DCAF8: variants seen among roughly 807,000 people sequenced by gnomAD.
DCAF8 encodes the protein DDB1- and CUL4-associated factor 8.
Under a neutral mutation model 68.0 loss-of-function variants are expected in DCAF8, and 20 were observed. The ratio of observed to expected loss-of-function variants is 0.29; its 90% CI spans 0.21 to 0.43. The LOEUF (loss-of-function observed/expected upper bound fraction) is 0.43, where lower values mean the gene tolerates loss of function less well. Among genes scored for constraint, DCAF8 ranks in the 20% least tolerant of loss-of-function variants. The pLI, the probability that DCAF8 is intolerant of heterozygous loss-of-function variation, is 1.00. For missense variants in DCAF8, 460 were observed against 771.0 expected, an observed-to-expected ratio of 0.60 and a Z score of 4.78; for synonymous variants, 230 against 276.9, an observed-to-expected ratio of 0.83 and a Z score of 1.68.
intron 2 of DCAF8, among the ~76,000 whole-genome samples, chr1:160,245,577 G>A (rs1447020914): frequency 6.6e-6 from 1 of 152,188 alleles, no homozygotes; most frequent in Non-Finnish European, 1.5e-5. Context: ...CTGCAAGACT[G>A]GGGCTGAAGC....
chr1:160,224,689 A>C (rs1408020048), intron 9 of DCAF8, 140 bp from the exon 10 acceptor site: 1 of 675,978 alleles, frequency 1.5e-6, no homozygotes, highest in African/African-American at 1.8e-5. Context: ...TTGGAACACC[A>C]GGCAAGTCCG....
At chr1:160,217,735 A>G in intron 13 of DCAF8, 27 bp from the exon 14 acceptor site, 1 of 1,574,152 alleles carries the variant, frequency 6.4e-7, no homozygotes, top group Non-Finnish European at 8.7e-7. Context: ...CTTGTTAGTA[A>G]CTTCCCTGGA....
chr1:160,236,331 CAT>C lies in DCAF8; in HGVS notation c.959+802_959+803del, dbSNP rs575276890. Among the ~76,000 whole-genome samples the C allele has an allele frequency of 1.7e-3, 252 of 151,158 alleles. No homozygotes were observed. In the East Asian group the frequency reaches 0.018, roughly 11 times the overall value. On this transcript the variant is annotated intron_variant, in intron 6 of 13. Transcript: ENST00000368074. ...ATATATACGTGTGTGTATATAAATA[CAT>C]ATGTGTGTATATGTGTGTACATATG... is the stretch of plus-strand genomic sequence containing the variant.
chr1:160,244,851 C>T (rs921175077), intron 2 of DCAF8, among the ~76,000 whole-genome samples: 6 of 152,028 alleles, frequency 3.9e-5, no homozygotes, highest in Non-Finnish European at 7.4e-5. Context: ...CCGAGTGATC[C>T]GCCCGCCTCG....
intron 7 of DCAF8, among the ~76,000 whole-genome samples, chr1:160,228,123 TG>T (rs1183459465): frequency 6.6e-6 from 1 of 151,810 alleles, no homozygotes; most frequent in East Asian, 1.9e-4. Flanking sequence ...GACACAGTCT[TG>T]CTATATTGCC....
Position 160,218,454 on chromosome 1 carries a change from AG to A in DCAF8, c.1561-15del, listed in dbSNP as rs1404318994. 3.7e-6 allele frequency: 6 copies of A among 1,607,566 alleles called. No homozygotes were observed. The highest frequency in any genetic ancestry group is 5.1e-6 in the Non-Finnish European group (6 of 1,174,022). On this transcript the variant is annotated splice_polypyrimidine_tract_variant and intron_variant, in intron 12 of 13. Coordinates refer to ENST00000368074, the MANE Select transcript of DCAF8 (RefSeq NM_015726.4). ...CTTCTTAATCACCTGGAACCCAAAAAGGTTGGGAAGAGGGGGCAGCAATGAA... is the reference window on the plus strand; with the variant it reads ...CTTCTTAATCACCTGGAACCCAAAAAGTTGGGAAGAGGGGGCAGCAATGAA...
intron 11 of DCAF8, among the ~76,000 whole-genome samples, chr1:160,221,368 GGAAATGAAGCAGGGAAGAGTGA>G (rs1426335568): frequency 6.6e-6 from 1 of 152,182 alleles, no homozygotes; most frequent in Non-Finnish European, 1.5e-5. Flanking sequence ...TGGAAGAGTT[GGAAATGAAGCAGGGAAGAGTGA>G]GACACACCTT....
intron 7 of DCAF8, among the ~76,000 whole-genome samples, chr1:160,228,036 G>A (rs988576391): frequency 1.3e-5 from 2 of 151,776 alleles, no homozygotes; most frequent in African/African-American, 4.8e-5. Flanking sequence ...GACTACAGGA[G>A]CATACCACCA....
intron 6 of DCAF8, among the ~76,000 whole-genome samples, chr1:160,233,787 C>A (rs920771055): frequency 1.3e-5 from 2 of 152,028 alleles, no homozygotes; most frequent in African/African-American, 4.8e-5. Flanking sequence ...CAACTTAATC[C>A]CATAAAACAA....
intron 7 of DCAF8, among the ~76,000 whole-genome samples, chr1:160,230,648 T>C (rs1016928049): frequency 6.6e-6 from 1 of 152,214 alleles, no homozygotes; most frequent in African/African-American, 2.4e-5. Flanking sequence ...TGCACGTTTA[T>C]TTACATACGA....
intron 2 of DCAF8, among the ~76,000 whole-genome samples, chr1:160,249,480 C>G (rs1213801269): frequency 6.6e-6 from 1 of 152,120 alleles, no homozygotes; most frequent in Non-Finnish European, 1.5e-5. Flanking sequence ...TCATACAACT[C>G]AGGAATCCCA....
At chr1:160,252,346 G>GAA (rs1231038146) in intron 2 of DCAF8, among the ~76,000 whole-genome samples, 1 of 152,172 alleles carries the variant, frequency 6.6e-6, no homozygotes, top group Non-Finnish European at 1.5e-5. Context: ...TAGTTTCAGG[G>GAA]AAAAACGAAA....
intron 2 of DCAF8, among the ~76,000 whole-genome samples, chr1:160,257,627 A>G (rs553195780): frequency 1.6e-4 from 25 of 152,348 alleles, no homozygotes; most frequent in African/African-American, 5.5e-4. Context: ...TAAACTGGCA[A>G]CAAAGAGGCT....
chr1:160,223,726 C>A (rs778221298), intron 10 of DCAF8, among the ~76,000 whole-genome samples: 69 of 152,066 alleles, frequency 4.5e-4, no homozygotes, highest in Non-Finnish European at 7.8e-4. Context: ...GGTGAAACCC[C>A]ATCTCCACAA....
chr1:160,225,416 T>C (rs1655438834), intron 8 of DCAF8, among the ~76,000 whole-genome samples, 175 bp downstream of exon 8: 1 of 152,222 alleles, frequency 6.6e-6, no homozygotes. Context: ...AAACTGAGGC[T>C]ATCAGAAGTG....
rs1341924785 is a variant in DCAF8 at position 160,215,920 on chromosome 1, G to A, written c.*1672C>T. On this transcript the variant is annotated 3_prime_UTR_variant, in exon 14 of 14. Transcript: ENST00000368074. ...AGGGGCAGGAGGAAGAAGTATCTGG[G>A]AATACCATTCTCTCACTCTTTTCCC... 1 of 152,162 alleles carries A rather than the reference G, an allele frequency of 6.6e-6. No individual in the cohort carries two copies. Among genetic ancestry groups the A allele is most frequent in the East Asian group, 1.9e-4 (1 of 5,190 alleles). 9.4% of individuals were successfully genotyped at this position (152,162 alleles called of 1,614,324 possible).
At chr1:160,219,321 A>C in intron 11 of DCAF8, 1 of 187,356 alleles carries the variant, frequency 5.3e-6, no homozygotes, top group Admixed American at 6.1e-5. Context: ...CCAAAGCTCC[A>C]ACTTGCCCAA....
At chr1:160,238,790 A>G in intron 4 of DCAF8, 43 bp from the exon 5 acceptor site, 2 of 1,553,020 alleles carry the variant, frequency 1.3e-6, no homozygotes, top group African/African-American at 2.8e-5. Flanking sequence ...AAAAGAAATG[A>G]GAGAGGTAAA....
At chr1:160,220,372 TAAA>T (rs1557828383) in intron 11 of DCAF8, 1 of 151,516 alleles carries the variant, frequency 6.6e-6, no homozygotes, top group Non-Finnish European at 1.5e-5. Flanking sequence ...GTCAGGAAAA[TAAA>T]AAAACACAGG....
Sources: allele counts gnomAD v4.1 joint callset (sites outside exome capture counted in the v4.1 genomes callset), GRCh38; gene constraint gnomAD v4.1.1; transcripts MANE v1.5; gene names NCBI Gene and HGNC (gene_info 2026-07-23, HGNC 2026-07-21).